Variants in STXBP6 observed in about 807,000 individuals in gnomAD.
STXBP6 encodes syntaxin binding protein 6.
Under a neutral mutation model 26.9 loss-of-function variants are expected in STXBP6, and 21 were observed. That is an observed-to-expected ratio of 0.78 (90% confidence interval 0.55 to 1.12). The LOEUF (loss-of-function observed/expected upper bound fraction) is 1.12. Ranked by LOEUF, STXBP6 falls within the 50% of genes most tolerant of loss-of-function variation. STXBP6 has a pLI of 0.00. For missense variants in STXBP6, 232 were observed against 257.9 expected, an observed-to-expected ratio of 0.90 and a Z score of 0.69; for synonymous variants, 97 against 92.6, an observed-to-expected ratio of 1.05 and a Z score of -0.27.
intron 2 of STXBP6, among the ~76,000 whole-genome samples, chr14:24,928,344 A>C (rs2072255830): frequency 6.6e-6 from 1 of 151,764 alleles, no homozygotes; most frequent in Non-Finnish European, 1.5e-5. Flanking sequence ...CCCCCTGTCA[A>C]TGTTTCTAAA....
intron 4 of STXBP6, among the ~76,000 whole-genome samples, chr14:24,834,734 T>C (rs750956368): frequency 3.3e-5 from 5 of 152,002 alleles, no homozygotes; most frequent in Non-Finnish European, 7.4e-5. Context: ...AGAGTCAAGA[T>C]GGGAATGGAA....
intron 4 of STXBP6, among the ~76,000 whole-genome samples, chr14:24,847,889 T>A (rs1281869732): frequency 1.3e-5 from 2 of 152,192 alleles, no homozygotes; most frequent in Admixed American, 6.5e-5. Context: ...GTGCACTCTA[T>A]AAATGTCAAA....
chr14:24,824,849 G>T (rs1291969041), intron 4 of STXBP6, among the ~76,000 whole-genome samples: 1 of 152,148 alleles, frequency 6.6e-6, no homozygotes, highest in Non-Finnish European at 1.5e-5. Flanking sequence ...TTCCTCAAAG[G>T]GAGATATTCT....
chr14:25,036,482 G>A lies in STXBP6; in HGVS notation c.-33+13396C>T, dbSNP rs558489985. 2.6e-5 allele frequency among the ~76,000 whole-genome samples: 4 copies of A among 152,186 alleles called. No homozygotes were observed. The South Asian group carries it at 8.3e-4, about 32-fold the overall frequency. On this transcript the variant is annotated intron_variant, in intron 1 of 5. Transcript: ENST00000323944. ...GGAAAAATTTCTGAAAGTCTTTACTGTACACAAAAGAACATTAACCCACTG... is the reference window on the plus strand; with the variant it reads ...GGAAAAATTTCTGAAAGTCTTTACTATACACAAAAGAACATTAACCCACTG...
intron 2 of STXBP6, among the ~76,000 whole-genome samples, chr14:24,937,363 T>C (rs1459504326): frequency 6.6e-6 from 1 of 152,122 alleles, no homozygotes; most frequent in Non-Finnish European, 1.5e-5. Context: ...TTACTAAGAG[T>C]TCTTTTAGAA....
intron 1 of STXBP6, among the ~76,000 whole-genome samples, chr14:25,047,881 ACTT>A: frequency 6.6e-6 from 1 of 152,168 alleles, no homozygotes; most frequent in Middle Eastern, 3.2e-3. Flanking sequence ...GGATCTGCTG[ACTT>A]CTTCATCAGC....
intron 2 of STXBP6, among the ~76,000 whole-genome samples, chr14:24,967,414 T>G (rs753779273): frequency 6.6e-6 from 1 of 152,230 alleles, no homozygotes; most frequent in Non-Finnish European, 1.5e-5. Flanking sequence ...CCAAACCTAC[T>G]GAACTAGAAA....
intron 2 of STXBP6, among the ~76,000 whole-genome samples, chr14:24,869,849 T>C (rs1157933233): frequency 6.6e-6 from 1 of 152,160 alleles, no homozygotes; most frequent in Non-Finnish European, 1.5e-5. Context: ...AGAGAAGCTG[T>C]TGCTCTCAGT....
intron 2 of STXBP6, among the ~76,000 whole-genome samples, chr14:24,948,754 G>C (rs925743273): frequency 5.3e-5 from 8 of 152,172 alleles, no homozygotes; most frequent in Non-Finnish European, 1.0e-4. Flanking sequence ...GCAGGTAATA[G>C]AGGAAAATAG....
intron 4 of STXBP6, among the ~76,000 whole-genome samples, chr14:24,828,858 T>C (rs1468809964): frequency 6.6e-6 from 1 of 152,270 alleles, no homozygotes; most frequent in South Asian, 2.1e-4. Context: ...AAGAATGACA[T>C]AGAGAATTAT....
chr14:24,911,131 C>T (rs1339781776), intron 2 of STXBP6, among the ~76,000 whole-genome samples: 2 of 152,050 alleles, frequency 1.3e-5, no homozygotes, highest in African/African-American at 4.8e-5. Context: ...TTGAGACCAA[C>T]CTGGGCAACA....
At chr14:24,958,701 G>C (rs936279134) in intron 2 of STXBP6, among the ~76,000 whole-genome samples, 3 of 152,090 alleles carry the variant, frequency 2.0e-5, no homozygotes, top group African/African-American at 7.2e-5. Context: ...TTAGGAAAAT[G>C]AGTAATGCAA....
intron 2 of STXBP6, chr14:24,878,714 C>T: frequency 2.5e-6 from 1 of 395,846 alleles, no homozygotes; most frequent in Non-Finnish European, 5.2e-6. Context: ...TCTTAGCAGA[C>T]ACGCTGGGAT....
rs34132743 is a variant in STXBP6 at position 24,964,647 on chromosome 14, C to CTGTGTGTGTGTGTGTGTGTG, written c.154+9998_154+10017dup. ...TGACAGAGCTAGTACAGTTCTCATTCTGTGTGTGTGTGTGTGTGTGTGTGT... is the reference window on the plus strand; with the variant it reads ...TGACAGAGCTAGTACAGTTCTCATTCTGTGTGTGTGTGTGTGTGTGTGTGTGTGTGTGTGTGTGTGTGTGT... On this transcript the variant is annotated intron_variant, in intron 2 of 5. Coordinates refer to ENST00000323944, the MANE Select transcript of STXBP6 (RefSeq NM_001394410.1). Among the ~76,000 whole-genome samples, 1,043 of 140,162 alleles carry CTGTGTGTGTGTGTGTGTGTG rather than the reference C, an allele frequency of 7.4e-3. 11 individuals are homozygous for CTGTGTGTGTGTGTGTGTGTG. The highest frequency in any genetic ancestry group is 0.011 in the Middle Eastern group (3 of 272). The allele number at this position is 140,162 out of a possible 152,430, so 92.0% of individuals were successfully genotyped here. A position where few individuals can be genotyped will look rare whatever the true frequency, so the allele number is the denominator to read the frequency against.
Position 24,809,842 on chromosome 14 carries a change from T to C in STXBP6, c.*2867A>G, listed in dbSNP as rs2067771403. 6.6e-6 allele frequency: 1 copy of C among 152,192 alleles called. No homozygotes were observed. Among genetic ancestry groups the C allele is most frequent in the Non-Finnish European group, 1.5e-5 (1 of 68,026 alleles). The allele number at this position is 152,192 out of a possible 1,614,324, so 9.4% of individuals were successfully genotyped here. A position where few individuals can be genotyped will look rare whatever the true frequency, so the allele number is the denominator to read the frequency against. ...TTTCTAAAATTAAGAGCTAAACCTA[T>C]CTTTAATGCCCCTTATTTAGAGCAT... On this transcript the variant is annotated 3_prime_UTR_variant, in exon 6 of 6. Transcript: ENST00000323944.
chr14:24,870,050 G>A (rs1463608336), intron 2 of STXBP6, among the ~76,000 whole-genome samples: 3 of 152,118 alleles, frequency 2.0e-5, no homozygotes, highest in East Asian at 1.9e-4. Flanking sequence ...ATTATGTATA[G>A]TATGGTTTGT....
chr14:24,858,719 C>G (rs1184943513), intron 2 of STXBP6, among the ~76,000 whole-genome samples: 1 of 152,078 alleles, frequency 6.6e-6, no homozygotes, highest in African/African-American at 2.4e-5. Flanking sequence ...TCCTATGACA[C>G]AAATGGGAGA....
intron 5 of STXBP6, among the ~76,000 whole-genome samples, chr14:24,815,322 T>G (rs1484219843): frequency 6.6e-6 from 1 of 152,050 alleles, no homozygotes; most frequent in African/African-American, 2.4e-5. Context: ...ATGGAAAGAG[T>G]TCTCTTTCAA....
intron 2 of STXBP6, among the ~76,000 whole-genome samples, chr14:24,885,647 TC>T (rs1235125597): frequency 1.3e-5 from 2 of 152,230 alleles, no homozygotes; most frequent in Non-Finnish European, 2.9e-5. Flanking sequence ...ATGAATGACA[TC>T]CATTGTCTCA....
Sources: allele counts gnomAD v4.1 joint callset (sites outside exome capture counted in the v4.1 genomes callset), GRCh38; gene constraint gnomAD v4.1.1; transcripts MANE v1.5; gene names NCBI Gene and HGNC (gene_info 2026-07-23, HGNC 2026-07-21).